Variants in FOXP1 observed in about 807,000 individuals in gnomAD.
FOXP1 encodes forkhead box protein P1.
In FOXP1, 15 loss-of-function variants were observed where a neutral mutation model predicts 98.2. That is an observed-to-expected ratio of 0.15 (90% CI 0.10 to 0.24). The LOEUF is 0.24. FOXP1 is among the 10% of genes least tolerant of loss of function. The probability of loss-of-function intolerance (pLI) is 1.00; values close to 1 mark genes in which losing one functional copy is unlikely to be tolerated. For synonymous variants in FOXP1, 371 were observed against 314.5 expected (o/e 1.18, Z -1.90); for missense variants, 633 against 848.5 (o/e 0.75, Z 3.15).
intron 7 of FOXP1, among the ~76,000 whole-genome samples, chr3:71,088,863 T>C (rs531373167): frequency 1.3e-5 from 2 of 152,284 alleles, no homozygotes; most frequent in South Asian, 4.1e-4. Flanking sequence ...TTAGTGCAGT[T>C]CATCTCTTTT....
intron 6 of FOXP1, among the ~76,000 whole-genome samples, chr3:71,137,781 T>TTTAC (rs2059892341): frequency 2.8e-5 from 1 of 35,334 alleles, no homozygotes; most frequent in Admixed American, 5.1e-4. Flanking sequence ...ATTCTATTTA[T>TTTAC]TTATTTATTT....
chr3:71,482,304 G>A (rs780884771), intron 3 of FOXP1, among the ~76,000 whole-genome samples: 1 of 151,118 alleles, frequency 6.6e-6, no homozygotes, highest in East Asian at 1.9e-4. Flanking sequence ...AGCCAGACTT[G>A]AAGTGCTAAG....
chr3:71,303,693 T>C (rs1733535), intron 4 of FOXP1, among the ~76,000 whole-genome samples: 11,283 of 152,016 alleles, frequency 0.074, 434 homozygotes, highest in South Asian at 0.14. Context: ...TCAAAGTTTG[T>C]TCTATGCCCT....
At chr3:71,546,137 C>T (rs2045340030) in intron 2 of FOXP1, among the ~76,000 whole-genome samples, 1 of 152,160 alleles carries the variant, frequency 6.6e-6, no homozygotes, top group Non-Finnish European at 1.5e-5. Context: ...CCCCACCCAC[C>T]TCCCCACACT....
intron 5 of FOXP1, among the ~76,000 whole-genome samples, chr3:71,231,214 G>A (rs1173281228): frequency 6.6e-6 from 1 of 152,126 alleles, no homozygotes; most frequent in African/African-American, 2.4e-5. Context: ...TCCTGACAAG[G>A]AAAGATGAAG....
chr3:70,969,358 T>TATTAAATCTGGTTCAGGCTA (rs1287552419), intron 19 of FOXP1: 7 of 152,214 alleles, frequency 4.6e-5, no homozygotes, highest in Non-Finnish European at 1.0e-4. Context: ...TAGTTTCTCC[T>TATTAAATCTGGTTCAGGCTA]ATTAAATCTG....
intron 3 of FOXP1, among the ~76,000 whole-genome samples, chr3:71,411,423 T>C (rs2082735816): frequency 6.6e-6 from 1 of 152,068 alleles, no homozygotes; most frequent in African/African-American, 2.4e-5. Flanking sequence ...CAAGCTATTC[T>C]CCTGCCTCAA....
intron 7 of FOXP1, among the ~76,000 whole-genome samples, chr3:71,056,420 G>A (rs758570333): frequency 3.9e-5 from 6 of 152,008 alleles, no homozygotes; most frequent in Non-Finnish European, 8.8e-5. Context: ...TTGCAGTTAC[G>A]GAACAGGATA....
intron 4 of FOXP1, among the ~76,000 whole-genome samples, chr3:71,308,795 GT>G (rs2074478097): frequency 3.3e-5 from 5 of 150,146 alleles, no homozygotes; most frequent in South Asian, 2.1e-4. Context: ...GTGTGTGTGT[GT>G]GTGTGTGTGT....
At chr3:71,058,651 G>A (rs192970242) in intron 7 of FOXP1, among the ~76,000 whole-genome samples, 1 of 149,768 alleles carries the variant, frequency 6.7e-6, no homozygotes, top group Admixed American at 6.7e-5. Flanking sequence ...CCATATACAA[G>A]CTAGCCTGTA....
intron 5 of FOXP1, among the ~76,000 whole-genome samples, chr3:71,222,423 AT>A (rs2065469553): frequency 6.6e-6 from 1 of 151,652 alleles, no homozygotes; most frequent in African/African-American, 2.4e-5. Context: ...TTTTATTTTT[AT>A]TTTTATTTTT....
chr3:71,068,034 G>A (rs116407205), intron 7 of FOXP1, among the ~76,000 whole-genome samples: 5,021 of 151,182 alleles, frequency 0.033, 151 homozygotes, highest in East Asian at 0.084. Flanking sequence ...CCTGTGGTGG[G>A]GGGGAGGGGA....
intron 11 of FOXP1, among the ~76,000 whole-genome samples, chr3:71,033,184 G>C (rs926604688): frequency 7.9e-5 from 12 of 152,066 alleles, no homozygotes; most frequent in Non-Finnish European, 1.3e-4. Flanking sequence ...AAAATGCCTG[G>C]GTGCCAACAA....
chr3:70,978,060 C>T, intron 14 of FOXP1, 31 bp from the exon 15 acceptor site: 7 of 1,602,002 alleles, frequency 4.4e-6, no homozygotes, highest in African/African-American at 1.3e-5. Flanking sequence ...TCTTAGAAGA[C>T]CTTCAGAAAA....
chr3:71,537,284 G>A (rs139280263), intron 2 of FOXP1, among the ~76,000 whole-genome samples: 1 of 152,328 alleles, frequency 6.6e-6, no homozygotes, highest in African/African-American at 2.4e-5. Flanking sequence ...GTCAAAAGGT[G>A]GCCGAGGCAT....
At chr3:71,386,887 G>C (rs73837142) in intron 3 of FOXP1, among the ~76,000 whole-genome samples, 2,004 of 151,812 alleles carry the variant, frequency 0.013, 47 homozygotes, top group African/African-American at 0.046. Flanking sequence ...ATTAATTAAT[G>C]TTACTGAATT....
intron 2 of FOXP1, among the ~76,000 whole-genome samples, chr3:71,536,029 A>C (rs889745591): frequency 6.6e-6 from 1 of 152,180 alleles, no homozygotes; most frequent in African/African-American, 2.4e-5. Flanking sequence ...GGCCATTTGC[A>C]GACTAACAGT....
rs148569457 is a variant in FOXP1, at chr3:70,962,257, ATCTTTC to A, written c.1890-2872_1890-2867del. ...TCTGAATACTAGGCATTTGAGGATC[ATCTTTC>A]TCTTTCTCTTTTACTGTTTGTATAA... On this transcript the variant is annotated intron_variant, in intron 20 of 20. Coordinates refer to ENST00000649528, the MANE Select transcript of FOXP1 (RefSeq NM_001349338.3). Among the ~76,000 whole-genome samples the A allele has an allele frequency of 3.6e-3, 547 of 152,304 alleles. 3 individuals are homozygous for A. The highest frequency in any genetic ancestry group is 0.029 in the East Asian group (151 of 5,178).
intron 17 of FOXP1, among the ~76,000 whole-genome samples, chr3:70,973,245 C>CCCCCGT (rs2036709862): frequency 7.5e-6 from 1 of 133,228 alleles, no homozygotes; most frequent in Admixed American, 7.3e-5. Flanking sequence ...CCCGCCCCCG[C>CCCCCGT]CCCGCCCCGC....
Sources: allele counts gnomAD v4.1 joint callset (sites outside exome capture counted in the v4.1 genomes callset), GRCh38; gene constraint gnomAD v4.1.1; transcripts MANE v1.5; gene names NCBI Gene and HGNC (gene_info 2026-07-23, HGNC 2026-07-21).